AKR1D1: variants seen among roughly 807,000 people sequenced by gnomAD.
AKR1D1 encodes aldo-keto reductase family 1 member D1.
AKR1D1 carries 32 observed loss-of-function variants against 42.6 expected under a neutral mutation model. That is an observed-to-expected ratio of 0.75 (90% CI 0.57 to 1.01). The LOEUF is 1.01. Ranked by LOEUF, AKR1D1 falls within the 50% of genes least tolerant of loss-of-function variation. The pLI, the probability that AKR1D1 is intolerant of heterozygous loss-of-function variation, is 0.00. For missense variants in AKR1D1, 364 were observed against 402.2 expected, an observed-to-expected ratio of 0.91 and a Z score of 0.81; for synonymous variants, 123 against 135.5, an observed-to-expected ratio of 0.91 and a Z score of 0.64.
In AKR1D1 at chr7:138,089,761, A is replaced by C. The variant is rs572083639; in HGVS notation, c.261+993A>C. 2.0e-5 allele frequency among the ~76,000 whole-genome samples: 3 copies of C among 152,332 alleles called. No homozygotes were observed. The South Asian group carries it at 6.2e-4, about 32-fold the overall frequency. On this transcript the variant is annotated intron_variant, in intron 2 of 8. Transcript: ENST00000242375. ...TTGGTGTTTACTTACGTAAACAGAA[A>C]CAGTGTGTGCAGCTGAGTTCATGTA... is the stretch of plus-strand genomic sequence containing the variant.
At chr7:138,111,751 A>G (rs1794541017) in intron 7 of AKR1D1, among the ~76,000 whole-genome samples, 1 of 152,250 alleles carries the variant, frequency 6.6e-6, no homozygotes, top group Non-Finnish European at 1.5e-5. Context: ...ACCAAAGTTT[A>G]TGAAAGTAAG....
rs117973325 is a variant in AKR1D1 at position 138,112,353 on chromosome 7, G to A, written c.856-1337G>A. 1.6e-3 allele frequency among the ~76,000 whole-genome samples: 247 copies of A among 152,182 alleles called. 4 individuals are homozygous for A. In the East Asian group the frequency reaches 0.047, roughly 29 times the overall value. On this transcript the variant is annotated intron_variant, in intron 7 of 8. Transcript: ENST00000242375. ...TGGATAATAAATCATAAAAGAAAAT[G>A]GTTCCCTGAAAAGAGTACTTGGAAA... is the stretch of plus-strand genomic sequence containing the variant.
At position 138,116,822 on chromosome 7, in the gene AKR1D1, A is replaced by G; in HGVS notation, c.*160A>G. 1 of 615,514 alleles carries G rather than the reference A, an allele frequency of 1.6e-6. No individual in the cohort carries two copies. Among genetic ancestry groups the G allele is most frequent in the Non-Finnish European group, 2.8e-6 (1 of 361,528 alleles). The allele number at this position is 615,514 out of a possible 1,614,324, so 38.1% of individuals were successfully genotyped here. A position where few individuals can be genotyped will look rare whatever the true frequency, so the allele number is the denominator to read the frequency against. ...TGTTTGTGCAGTGTAAATGACTTTG[A>G]CTCAGTCACATTGAAGTAAAAATAT... On this transcript the variant is annotated 3_prime_UTR_variant, in exon 9 of 9. Transcript: ENST00000242375.
chr7:138,109,903 C>T lies in AKR1D1; in HGVS notation c.855+2323C>T, dbSNP rs549619384. On this transcript the variant is annotated intron_variant, in intron 7 of 8. Transcript: ENST00000242375. The stretch of plus-strand genomic sequence containing the variant: ...TTGGACTTTATAGCATCTAGCAAAT[C>T]GCAATTTTGTACCAGAGAAAATGCC... Among the ~76,000 whole-genome samples, 4 of 152,210 alleles carry T rather than the reference C, an allele frequency of 2.6e-5. No individual in the cohort carries two copies. In the East Asian group the frequency reaches 7.7e-4, roughly 29 times the overall value.
rs1184130060 is a variant in AKR1D1 at position 138,117,736 on chromosome 7, T to C, written c.*1074T>C. Reference sequence around the variant, plus strand: ...AATTCAACTACAGAAATATATTTTATTGGCCGGGTGCGGTGGCTCATGCCT... The same window carrying C: ...AATTCAACTACAGAAATATATTTTACTGGCCGGGTGCGGTGGCTCATGCCT... On this transcript the variant is annotated 3_prime_UTR_variant, in exon 9 of 9. Coordinates refer to ENST00000242375, the MANE Select transcript of AKR1D1 (RefSeq NM_005989.4). The C allele has an allele frequency of 1.3e-5, 2 of 152,228 alleles. No individual in the cohort carries two copies. Among genetic ancestry groups the C allele is most frequent in the East Asian group, 1.9e-4 (1 of 5,190 alleles). 9.4% of individuals were successfully genotyped at this position (152,228 alleles called of 1,614,324 possible).
At chr7:138,076,936 T>TA (rs1408983345) in intron 1 of AKR1D1, among the ~76,000 whole-genome samples, 2 of 152,198 alleles carry the variant, frequency 1.3e-5, no homozygotes, top group Non-Finnish European at 2.9e-5. Context: ...GTGTTTTTTT[T>TA]ATATGAGATA....
chr7:138,116,590 CT>C (rs760637408), intron 8 of AKR1D1, 29 bp from the exon 9 acceptor site: 1 of 1,614,046 alleles, frequency 6.2e-7, no homozygotes, highest in Non-Finnish European at 8.5e-7. Context: ...TTTGAGTGAA[CT>C]TTTTTCTGTG....
In AKR1D1 at chr7:138,116,587, G is replaced by T. The variant is rs766988795; in HGVS notation, c.939-33G>T. ...ACATACAGCTGTGCAATTTTTGAGTGAACTTTTTTCTGTGGGGGAATTGTT... is the reference window on the plus strand; with the variant it reads ...ACATACAGCTGTGCAATTTTTGAGTTAACTTTTTTCTGTGGGGGAATTGTT... On this transcript the variant is annotated intron_variant, in intron 8 of 8. Coordinates refer to ENST00000242375, the MANE Select transcript of AKR1D1 (RefSeq NM_005989.4). 5 of 1,613,970 alleles carry T rather than the reference G, an allele frequency of 3.1e-6. No individual in the cohort carries two copies. The African/African-American group carries it at 5.3e-5, about 17-fold the overall frequency.
At chr7:138,098,865 C>T (rs1794236446) in intron 4 of AKR1D1, among the ~76,000 whole-genome samples, 1 of 152,026 alleles carries the variant, frequency 6.6e-6, no homozygotes, top group Non-Finnish European at 1.5e-5. Flanking sequence ...GGTCCTTTTG[C>T]ACTTCCTTCA....
intron 7 of AKR1D1, among the ~76,000 whole-genome samples, chr7:138,107,990 C>G (rs1794467402): frequency 1.3e-5 from 2 of 152,010 alleles, no homozygotes; most frequent in Admixed American, 1.3e-4. Context: ...AGCCTCTTCC[C>G]TTATCTATTG....
chr7:138,094,862 T>C (rs1177084592), intron 3 of AKR1D1, among the ~76,000 whole-genome samples: 2 of 152,200 alleles, frequency 1.3e-5, no homozygotes, highest in Non-Finnish European at 2.9e-5. Context: ...ACAAAAAATC[T>C]TTTTTGCTAA....
At chr7:138,083,910 G>A (rs1188873122) in intron 1 of AKR1D1, among the ~76,000 whole-genome samples, 1 of 152,072 alleles carries the variant, frequency 6.6e-6, no homozygotes, top group Non-Finnish European at 1.5e-5. Flanking sequence ...GCTGTGTGCA[G>A]GTTAATACTA....
At chr7:138,088,858 A>G in intron 2 of AKR1D1, 90 bp downstream of exon 2, 42 of 684,728 alleles carry the variant, frequency 6.1e-5, no homozygotes, top group Non-Finnish European at 8.8e-5. Flanking sequence ...GTGTGTGTGT[A>G]ATTGCACTCA....
chr7:138,090,398 A>T (rs888592657), intron 2 of AKR1D1, among the ~76,000 whole-genome samples: 6 of 152,176 alleles, frequency 3.9e-5, no homozygotes, highest in Non-Finnish European at 8.8e-5. Flanking sequence ...GCACTTTGGA[A>T]GGCAGAGGAG....
intron 1 of AKR1D1, among the ~76,000 whole-genome samples, chr7:138,080,235 T>A (rs2117411505): frequency 6.6e-6 from 1 of 152,302 alleles, no homozygotes; most frequent in Non-Finnish European, 1.5e-5. Context: ...CAATAATCCA[T>A]TTTTTAAAAT....
intron 3 of AKR1D1, among the ~76,000 whole-genome samples, chr7:138,095,927 G>A (rs1794174939): frequency 6.6e-6 from 1 of 151,750 alleles, no homozygotes; most frequent in Non-Finnish European, 1.5e-5. Flanking sequence ...GAGGCCTGGT[G>A]CAGTGGCTCA....
chr7:138,109,504 T>C (rs1270588304), intron 7 of AKR1D1, among the ~76,000 whole-genome samples: 1 of 152,188 alleles, frequency 6.6e-6, no homozygotes, highest in East Asian at 1.9e-4. Context: ...GATTAGCTCC[T>C]GAAGGTCACC....
At position 138,107,398 on chromosome 7, in the gene AKR1D1, G is replaced by A. The variant is rs1205801998; in HGVS notation, c.690-17G>A. ...ATTATGCAAACTAATTATGATGCAT[G>A]TTTTGATATTTTTAAGGGTGAATGT... is the stretch of plus-strand genomic sequence containing the variant. On this transcript the variant is annotated splice_polypyrimidine_tract_variant and intron_variant, in intron 6 of 8. Transcript: ENST00000242375. The A allele has an allele frequency of 1.2e-6, 2 of 1,613,318 alleles. No individual in the cohort carries two copies. The highest frequency in any genetic ancestry group is 1.7e-6 in the Non-Finnish European group (2 of 1,179,274).
chr7:138,090,282 G>A (rs1221696871), intron 2 of AKR1D1, among the ~76,000 whole-genome samples: 5 of 152,058 alleles, frequency 3.3e-5, no homozygotes, highest in Non-Finnish European at 7.4e-5. Flanking sequence ...AAAAATCATT[G>A]TCCAACAGAG....
Sources: allele counts gnomAD v4.1 joint callset (sites outside exome capture counted in the v4.1 genomes callset), GRCh38; gene constraint gnomAD v4.1.1; transcripts MANE v1.5; gene names NCBI Gene and HGNC (gene_info 2026-07-23, HGNC 2026-07-21).